PRKG1: variants seen among roughly 807,000 people sequenced by gnomAD.
The protein encoded by PRKG1 is cGMP-dependent protein kinase 1.
PRKG1 carries 35 observed loss-of-function variants against 88.1 expected under a neutral mutation model. The ratio of observed to expected loss-of-function variants is 0.40; its 90% CI spans 0.30 to 0.53. The LOEUF is 0.53. Ranked by LOEUF, PRKG1 falls within the 20% of genes least tolerant of loss-of-function variation. The probability of loss-of-function intolerance (pLI) is 0.59; values close to 1 mark genes in which losing one functional copy is unlikely to be tolerated. For synonymous variants in PRKG1, 303 were observed against 292.5 expected (o/e 1.04, Z -0.37); for missense variants, 540 against 839.8 (o/e 0.64, Z 4.41).
At chr10:52,131,711 G>A (rs1291219746) in intron 7 of PRKG1, among the ~76,000 whole-genome samples, 1 of 150,488 alleles carries the variant, frequency 6.6e-6, no homozygotes, top group Non-Finnish European at 1.5e-5. Context: ...GCCAGGCGTG[G>A]TGGTGGACTC....
chr10:51,242,433 A>C (rs1402931476), intron 2 of PRKG1, among the ~76,000 whole-genome samples: 1 of 152,174 alleles, frequency 6.6e-6, no homozygotes, highest in East Asian at 1.9e-4. Context: ...GAAGAAGCTG[A>C]AGCCCAAAGA....
At chr10:51,477,598 G>T (rs1215551435) in intron 3 of PRKG1, among the ~76,000 whole-genome samples, 1 of 151,924 alleles carries the variant, frequency 6.6e-6, no homozygotes, top group Non-Finnish European at 1.5e-5. Flanking sequence ...AAGGATTAAA[G>T]AAGGGAATGC....
chr10:51,123,658 A>G (rs1019468732), intron 1 of PRKG1, among the ~76,000 whole-genome samples: 4 of 149,738 alleles, frequency 2.7e-5, no homozygotes, highest in Non-Finnish European at 5.9e-5. Context: ...GTGCCACTGC[A>G]CTCTATCCTG....
Position 52,152,403 on chromosome 10 carries a change from GTGGTGAGTGAAAA to G in PRKG1, c.1002-9483_1002-9471del, listed in dbSNP as rs561521050. On this transcript the variant is annotated intron_variant, in intron 8 of 17. Coordinates refer to ENST00000373980, the MANE Select transcript of PRKG1 (RefSeq NM_006258.4). ...AAACAAACAAAGTGATTTTTAGCTA[GTGGTGAGTGAAAA>G]TGAGTTAAAATCACAGAGTGACATT... is the stretch of plus-strand genomic sequence containing the variant. 4.6e-5 allele frequency among the ~76,000 whole-genome samples: 7 copies of G among 152,228 alleles called. No homozygotes were observed. The East Asian group carries it at 1.2e-3, about 25-fold the overall frequency.
chr10:51,504,005 T>C (rs1841114867), intron 3 of PRKG1, among the ~76,000 whole-genome samples: 1 of 152,262 alleles, frequency 6.6e-6, no homozygotes, highest in South Asian at 2.1e-4. Flanking sequence ...AGAACAAAAG[T>C]AAGACAGAAA....
chr10:51,923,414 T>G (rs1842503785), intron 5 of PRKG1, among the ~76,000 whole-genome samples: 1 of 151,344 alleles, frequency 6.6e-6, no homozygotes, highest in Non-Finnish European at 1.5e-5. Context: ...TGAAATAATA[T>G]CTATCATATT....
rs571325138 is a variant in PRKG1 at position 52,192,583 on chromosome 10, T to C, written c.1076+30620T>C. On this transcript the variant is annotated intron_variant, in intron 9 of 17. Coordinates refer to ENST00000373980, the MANE Select transcript of PRKG1 (RefSeq NM_006258.4). ...GATTGATATTCTCAATTTCCACCTA[T>C]GTTCATAAAGTCAAAGGGACTTTTT... Among the ~76,000 whole-genome samples the C allele has an allele frequency of 5.3e-5, 8 of 152,188 alleles. No individual in the cohort carries two copies. The East Asian group carries it at 1.4e-3, about 26-fold the overall frequency.
intron 2 of PRKG1, among the ~76,000 whole-genome samples, chr10:51,278,526 A>G (rs143860779): frequency 0.063 from 9,642 of 152,242 alleles, 1,003 homozygotes; most frequent in African/African-American, 0.22. Flanking sequence ...TTCAGAAGGA[A>G]TGGTACCAGC....
chr10:51,162,539 G>A (rs1010473595), intron 2 of PRKG1, among the ~76,000 whole-genome samples: 3 of 152,100 alleles, frequency 2.0e-5, no homozygotes, highest in African/African-American at 4.8e-5. Flanking sequence ...CACACTTTAT[G>A]TGTATTTAAA....
intron 5 of PRKG1, among the ~76,000 whole-genome samples, chr10:52,011,407 A>G (rs1430583225): frequency 1.3e-5 from 2 of 152,190 alleles, no homozygotes; most frequent in Non-Finnish European, 2.9e-5. Flanking sequence ...AAAAGCAGAC[A>G]TGCATAATTC....
At chr10:51,995,185 G>A (rs768840024) in intron 5 of PRKG1, among the ~76,000 whole-genome samples, 5 of 151,962 alleles carry the variant, frequency 3.3e-5, no homozygotes, top group African/African-American at 7.2e-5. Context: ...TAACAACAAA[G>A]CATTTTAGCA....
chr10:51,673,982 G>C (rs1840646711), intron 3 of PRKG1, among the ~76,000 whole-genome samples: 2 of 152,060 alleles, frequency 1.3e-5, no homozygotes, highest in African/African-American at 4.8e-5. Flanking sequence ...TAATAACCTA[G>C]ACTGTGCTAG....
chr10:51,541,352 A>C (rs1010751305), intron 3 of PRKG1, among the ~76,000 whole-genome samples: 3 of 152,214 alleles, frequency 2.0e-5, no homozygotes, highest in East Asian at 3.9e-4. Context: ...AGTTCCTAAC[A>C]GGCCACAGAC....
At chr10:52,033,004 T>C (rs531015066) in intron 5 of PRKG1, among the ~76,000 whole-genome samples, 16 of 152,286 alleles carry the variant, frequency 1.1e-4, no homozygotes, top group African/African-American at 3.8e-4. Context: ...TTTGTTAAAT[T>C]TTTTTATACT....
intron 1 of PRKG1, among the ~76,000 whole-genome samples, chr10:51,101,111 A>G (rs1479446906): frequency 2.0e-5 from 3 of 152,150 alleles, no homozygotes; most frequent in South Asian, 2.1e-4. Context: ...ACGAGAATTC[A>G]TAGGTTGTAG....
intron 5 of PRKG1, among the ~76,000 whole-genome samples, chr10:51,955,357 G>C (rs1183511042): frequency 1.3e-5 from 2 of 152,048 alleles, no homozygotes; most frequent in Non-Finnish European, 2.9e-5. Context: ...CACGGAAAAA[G>C]ACCCATTATT....
chr10:51,399,643 TTAGTAGG>T (rs1287916164), intron 2 of PRKG1, among the ~76,000 whole-genome samples: 1 of 152,174 alleles, frequency 6.6e-6, no homozygotes, highest in Non-Finnish European at 1.5e-5. Flanking sequence ...ACTGTTTTTC[TTAGTAGG>T]TAGGCATGAC....
rs571405152 is a variant in PRKG1 at position 51,051,552 on chromosome 10, T to G, written c.266+59908T>G. Among the ~76,000 whole-genome samples the G allele has an allele frequency of 2.5e-4, 38 of 152,264 alleles. No individual in the cohort carries two copies. In the South Asian group the frequency reaches 7.7e-3, roughly 31 times the overall value. ...TTTCGTCATTCAGAAATCTTTTTTC[T>G]CTGACTTCTCCAAAGTAATTCCTAC... On this transcript the variant is annotated intron_variant, in intron 1 of 17. Coordinates refer to the PRKG1 transcript ENST00000401604.
rs894322014 is a variant in PRKG1, at chr10:52,260,206, G to A, written c.1173+8540G>A. ...GCTTTAGGGGGTACAAATGGTTTTC[G>A]GCTACATGGATGAATTGTATCGTTA... On this transcript the variant is annotated intron_variant, in intron 10 of 17. Transcript: ENST00000373980. 4.6e-5 allele frequency among the ~76,000 whole-genome samples: 7 copies of A among 151,880 alleles called. 1 individual carries two copies. The East Asian group carries it at 5.8e-4, about 13-fold the overall frequency.
Sources: allele counts gnomAD v4.1 joint callset (sites outside exome capture counted in the v4.1 genomes callset), GRCh38; gene constraint gnomAD v4.1.1; transcripts MANE v1.5; gene names NCBI Gene and HGNC (gene_info 2026-07-23, HGNC 2026-07-21).